SMARCAL1: variants seen among roughly 807,000 people sequenced by gnomAD.
SMARCAL1 encodes the protein ATP-driven annealing helicase.
A neutral mutation model predicts 94.5 loss-of-function variants in SMARCAL1; 58 were observed. The ratio of observed to expected loss-of-function variants is 0.61; its 90% CI spans 0.50 to 0.76. The LOEUF (loss-of-function observed/expected upper bound fraction) is 0.76, where lower values mean the gene tolerates loss of function less well. Among genes scored for constraint, SMARCAL1 ranks in the 30% least tolerant of loss-of-function variants. The pLI is 0.00. For synonymous variants in SMARCAL1, 422 were observed against 455.1 expected (o/e 0.93, Z 0.93); for missense variants, 1,051 against 1,177.9 (o/e 0.89, Z 1.58).
intron 12 of SMARCAL1, among the ~76,000 whole-genome samples, chr2:216,463,675 C>T (rs1233250629): frequency 1.3e-5 from 2 of 152,094 alleles, no homozygotes; most frequent in African/African-American, 2.4e-5. Flanking sequence ...AAGAAAACAC[C>T]GTTTCTTCTT....
At chr2:216,477,236 G>T (rs1574485412) in intron 16 of SMARCAL1, 27 bp downstream of exon 16, 8 of 1,505,052 alleles carry the variant, frequency 5.3e-6, no homozygotes, top group Non-Finnish European at 7.3e-6. Flanking sequence ...TGGCCTGGCA[G>T]TTGGAGTCGA....
intron 13 of SMARCAL1, 38 bp from the exon 14 acceptor site, chr2:216,467,906 A>G (rs1486116746): frequency 8.6e-7 from 1 of 1,167,050 alleles, no homozygotes; most frequent in South Asian, 1.2e-5. Flanking sequence ...CATAAGGAGT[A>G]TATGTTTAAT....
At chr2:216,480,960 C>A (rs776127121) in intron 17 of SMARCAL1, among the ~76,000 whole-genome samples, 19 of 152,082 alleles carry the variant, frequency 1.2e-4, no homozygotes, top group Non-Finnish European at 2.4e-4. Context: ...TGAGCTGTTG[C>A]AAATCCATGC....
At chr2:216,481,283 C>T (rs1695191594) in intron 17 of SMARCAL1, among the ~76,000 whole-genome samples, 4 of 149,376 alleles carry the variant, frequency 2.7e-5, no homozygotes, top group East Asian at 2.0e-4. Flanking sequence ...ACCTCCGCCT[C>T]CCAGGCTCAA....
chr2:216,448,382 A>G (rs527720860), intron 11 of SMARCAL1, among the ~76,000 whole-genome samples: 1 of 152,320 alleles, frequency 6.6e-6, no homozygotes, highest in African/African-American at 2.4e-5. Context: ...CCCATGGCAT[A>G]ATAATGTTCA....
chr2:216,422,384 A>G (rs1368033376), intron 5 of SMARCAL1, among the ~76,000 whole-genome samples: 1 of 152,118 alleles, frequency 6.6e-6, no homozygotes, highest in African/African-American at 2.4e-5. Context: ...AAAAAAGGCA[A>G]ATACAGTGAT....
intron 9 of SMARCAL1, among the ~76,000 whole-genome samples, chr2:216,436,482 G>A (rs951711503): frequency 3.1e-4 from 47 of 152,200 alleles, no homozygotes; most frequent in African/African-American, 1.1e-3. Context: ...AGAAGATACC[G>A]TTACTGACCT....
chr2:216,444,765 C>T (rs1694268206), intron 10 of SMARCAL1, among the ~76,000 whole-genome samples: 1 of 152,220 alleles, frequency 6.6e-6, no homozygotes, highest in Non-Finnish European at 1.5e-5. Context: ...GATCCGCCTG[C>T]CTCAGCCTCC....
chr2:216,456,569 C>T (rs1307139401), intron 12 of SMARCAL1, among the ~76,000 whole-genome samples: 1 of 151,726 alleles, frequency 6.6e-6, no homozygotes. Context: ...AATTTTCAAC[C>T]CAGAATTTCA....
At chr2:216,441,550 G>C (rs905383654) in intron 10 of SMARCAL1, among the ~76,000 whole-genome samples, 2 of 152,176 alleles carry the variant, frequency 1.3e-5, no homozygotes, top group African/African-American at 4.8e-5. Context: ...TTACATAGTG[G>C]AGACACATCC....
At chr2:216,416,012 T>A in intron 3 of SMARCAL1, 1 of 472,798 alleles carries the variant, frequency 2.1e-6, no homozygotes, top group East Asian at 4.4e-5. Context: ...GTCCTAACTC[T>A]GCCCTCAGTC....
intron 12 of SMARCAL1, among the ~76,000 whole-genome samples, chr2:216,454,257 CTG>C (rs1694510049): frequency 3.3e-5 from 5 of 152,190 alleles, no homozygotes. Context: ...AGTATTAGGT[CTG>C]CACAGTTTGG....
chr2:216,475,515 G>A lies in SMARCAL1; in HGVS notation c.2427+64G>A. On this transcript the variant is annotated intron_variant, in intron 15 of 17. Coordinates refer to ENST00000357276, the MANE Select transcript of SMARCAL1 (RefSeq NM_014140.4). The surrounding 1 kb of genome is among the most constrained non-coding windows in gnomAD (Gnocchi z 4.4). ...CTCATGGCTGTGGGCAGGAAGCAGTGAGTGTCGGTCGGGGAAAGTGTGGTT... is the reference window on the plus strand; with the variant it reads ...CTCATGGCTGTGGGCAGGAAGCAGTAAGTGTCGGTCGGGGAAAGTGTGGTT... 6.5e-7 allele frequency: 1 copy of A among 1,541,152 alleles called. No individual in the cohort carries two copies. The highest frequency in any genetic ancestry group is 9.0e-7 in the Non-Finnish European group (1 of 1,113,774).
rs1249019592 is a variant in SMARCAL1 at position 216,437,648 on chromosome 2, G to A, written c.1645-772G>A. Among the ~76,000 whole-genome samples, 3 of 152,086 alleles carry A rather than the reference G, an allele frequency of 2.0e-5. No homozygotes were observed. In the East Asian group the frequency reaches 5.8e-4, roughly 29 times the overall value. On this transcript the variant is annotated intron_variant, in intron 9 of 17. Coordinates refer to ENST00000357276, the MANE Select transcript of SMARCAL1 (RefSeq NM_014140.4). Reference sequence around the variant, plus strand: ...GTGGTTGCTCAGAGTCACACAGCAAGGAATTTGACTCTGTACCAAACTAGA... The same window carrying A: ...GTGGTTGCTCAGAGTCACACAGCAAAGAATTTGACTCTGTACCAAACTAGA...
chr2:216,419,461 C>A (rs1693667485), intron 4 of SMARCAL1, among the ~76,000 whole-genome samples: 1 of 152,116 alleles, frequency 6.6e-6, no homozygotes, highest in Admixed American at 6.6e-5. Flanking sequence ...TAGTGTTACA[C>A]AGCTGAATTT....
At chr2:216,424,123 A>T (rs1693782184) in intron 6 of SMARCAL1, among the ~76,000 whole-genome samples, 1 of 152,212 alleles carries the variant, frequency 6.6e-6, no homozygotes, top group South Asian at 2.1e-4. Context: ...CTGGGAATGG[A>T]CTTCATAATA....
intron 14 of SMARCAL1, among the ~76,000 whole-genome samples, chr2:216,468,457 G>A (rs1337230635): frequency 6.6e-6 from 1 of 152,142 alleles, no homozygotes; most frequent in Non-Finnish European, 1.5e-5. Flanking sequence ...AATTCCACAT[G>A]GCAGTGTGCA....
At chr2:216,463,130 G>T (rs976276116) in intron 12 of SMARCAL1, among the ~76,000 whole-genome samples, 1 of 152,204 alleles carries the variant, frequency 6.6e-6, no homozygotes, top group Non-Finnish European at 1.5e-5. Context: ...GGCTATAGAT[G>T]TTATTGCTGT....
chr2:216,447,260 A>C, intron 11 of SMARCAL1, 102 bp downstream of exon 11: 1 of 1,378,142 alleles, frequency 7.3e-7, no homozygotes, highest in Non-Finnish European at 1.0e-6. Context: ...TCAGAAGAGC[A>C]CTGGCCAGGG....
Sources: gnomAD v4.1 joint callset for allele counts (sites outside exome capture counted in the v4.1 genomes callset) on GRCh38, gnomAD v4.1.1 for gene constraint, Gnocchi (gnomAD v3.1) non-coding constraint, MANE v1.5 for transcripts, NCBI Gene and HGNC (gene_info 2026-07-23, HGNC 2026-07-21) for gene names.